The following NCBP1 variants were observed in gnomAD, a reference collection of about 807,000 sequenced individuals.
NCBP1 encodes the protein nuclear cap binding protein subunit 1.
In NCBP1, 16 loss-of-function variants were observed where a neutral mutation model predicts 111.7. The ratio of observed to expected loss-of-function variants is 0.14; its 90% CI spans 0.10 to 0.22. The LOEUF (loss-of-function observed/expected upper bound fraction) is 0.22. Ranked by LOEUF, NCBP1 falls within the 10% of genes least tolerant of loss-of-function variation. The pLI is 1.00. For synonymous variants in NCBP1, 304 were observed against 314.3 expected (o/e 0.97, Z 0.35); for missense variants, 607 against 957.5 (o/e 0.63, Z 4.83).
At chr9:97,636,643 T>C (rs1394038745) in intron 1 of NCBP1, among the ~76,000 whole-genome samples, 3 of 60,180 alleles carry the variant, frequency 5.0e-5, no homozygotes, top group East Asian at 2.7e-4. Context: ...AATACATATA[T>C]ATATATATAT....
rs1258688982 is a variant in NCBP1 at position 97,671,499 on chromosome 9, T to C, written c.*300T>C. 2 of 277,762 alleles carry C rather than the reference T, an allele frequency of 7.2e-6. No individual in the cohort carries two copies. Among genetic ancestry groups the C allele is most frequent in the East Asian group, 8.9e-5 (1 of 11,188 alleles). 17.2% of individuals were successfully genotyped at this position (277,762 alleles called of 1,614,324 possible). On this transcript the variant is annotated 3_prime_UTR_variant, in exon 23 of 23. Transcript: ENST00000375147. ...GGCACAAAATAATTGGTTTGAGGTATGTGAAACACTAGAGGTCAACCTTAC... is the reference window on the plus strand; with the variant it reads ...GGCACAAAATAATTGGTTTGAGGTACGTGAAACACTAGAGGTCAACCTTAC...
At chr9:97,666,337 AG>A (rs924569434) in intron 19 of NCBP1, among the ~76,000 whole-genome samples, 1 of 152,226 alleles carries the variant, frequency 6.6e-6, no homozygotes, top group Non-Finnish European at 1.5e-5. Flanking sequence ...AGTGTGTGCT[AG>A]TTAAATAATA....
chr9:97,667,945 CGT>C (rs772756922), intron 20 of NCBP1, among the ~76,000 whole-genome samples: 9 of 152,136 alleles, frequency 5.9e-5, no homozygotes, highest in Non-Finnish European at 1.2e-4. Context: ...CGTGTACCCA[CGT>C]GTCTAGAACA....
At chr9:97,641,285 C>T (rs1392368382) in intron 2 of NCBP1, among the ~76,000 whole-genome samples, 2 of 152,012 alleles carry the variant, frequency 1.3e-5, no homozygotes, top group African/African-American at 4.8e-5. Context: ...TTAAATTTCA[C>T]TCGTCCACTT....
At chr9:97,642,381 AT>A (rs549351677) in intron 3 of NCBP1, among the ~76,000 whole-genome samples, 12 of 151,762 alleles carry the variant, frequency 7.9e-5, no homozygotes, top group Admixed American at 6.6e-4. Context: ...CAACACAGGT[AT>A]TTTTTTTGAA....
At position 97,671,166 on chromosome 9, in the gene NCBP1, C is replaced by T; in HGVS notation, c.2340C>T (p.Ala780=). The T allele has an allele frequency of 5.0e-6, 8 of 1,613,212 alleles. No homozygotes were observed. Among genetic ancestry groups the T allele is most frequent in the East Asian group, 2.2e-5 (1 of 44,878 alleles). Residue 780 remains alanine (A), a synonymous_variant, in exon 23 of 23, where the codon GCC becomes GCT. Coordinates refer to ENST00000375147, the MANE Select transcript of NCBP1 (RefSeq NM_002486.5). ...FTAELDPHIL[A]VFQQFCALQA Reference sequence around the variant, plus strand: ...CTGAATTAGACCCTCATATCTTGGCCGTGTTCCAGCAGTTCTGTGCCCTGC... The same window carrying T: ...CTGAATTAGACCCTCATATCTTGGCTGTGTTCCAGCAGTTCTGTGCCCTGC...
In NCBP1 at chr9:97,671,681, T is replaced by C. The variant is rs1828198519; in HGVS notation, c.*482T>C. ...TCTCACTCTACTCTAAAACTGGTGG[T>C]TTCTTACTGAAGGTGTTCTCCATTT... On this transcript the variant is annotated 3_prime_UTR_variant, in exon 23 of 23. Coordinates refer to ENST00000375147, the MANE Select transcript of NCBP1 (RefSeq NM_002486.5). 1 of 152,364 alleles carries C rather than the reference T, an allele frequency of 6.6e-6. No individual in the cohort carries two copies. Among genetic ancestry groups the C allele is most frequent in the Admixed American group, 6.5e-5 (1 of 15,294 alleles). The allele number at this position is 152,364 out of a possible 1,614,324, so 9.4% of individuals were successfully genotyped here.
intron 1 of NCBP1, among the ~76,000 whole-genome samples, chr9:97,639,071 G>A (rs568681162): frequency 5.3e-5 from 8 of 152,252 alleles, no homozygotes; most frequent in African/African-American, 1.9e-4. Flanking sequence ...AAGAATCAAG[G>A]TCCCTGAACC....
intron 20 of NCBP1, among the ~76,000 whole-genome samples, chr9:97,667,157 G>T: frequency 6.6e-6 from 1 of 152,140 alleles, no homozygotes; most frequent in Non-Finnish European, 1.5e-5. Flanking sequence ...TTTGCACAAG[G>T]GAAGTAGCAG....
chr9:97,636,835 T>TA (rs1827056192), intron 1 of NCBP1, among the ~76,000 whole-genome samples: 4 of 151,996 alleles, frequency 2.6e-5, no homozygotes, highest in Admixed American at 1.3e-4. Context: ...TATGGAGTGA[T>TA]ACCAGGTAAA....
intron 19 of NCBP1, among the ~76,000 whole-genome samples, chr9:97,665,183 T>G (rs977669356): frequency 1.3e-5 from 2 of 152,222 alleles, no homozygotes; most frequent in African/African-American, 4.8e-5. Context: ...TACTGAATTG[T>G]TAGGGTGATA....
At chr9:97,669,747 G>T in intron 22 of NCBP1, 41 bp downstream of exon 22, 1 of 1,350,220 alleles carries the variant, frequency 7.4e-7, no homozygotes, top group Non-Finnish European at 1.1e-6. Flanking sequence ...ACTATTCTCA[G>T]CCACAAAGAT....
intron 19 of NCBP1, among the ~76,000 whole-genome samples, chr9:97,665,518 T>C (rs1365566074): frequency 6.6e-6 from 1 of 152,198 alleles, no homozygotes; most frequent in East Asian, 1.9e-4. Context: ...ATCTGTTCTT[T>C]AACACCTAGC....
intron 1 of NCBP1, among the ~76,000 whole-genome samples, chr9:97,635,596 A>C (rs1001877546): frequency 6.6e-5 from 10 of 150,600 alleles, no homozygotes; most frequent in African/African-American, 2.4e-4. Flanking sequence ...TTGTTTTTGT[A>C]TTTTTTGTAG....
chr9:97,654,957 C>T lies in NCBP1; in HGVS notation c.1235+13C>T, dbSNP rs1056823550. On this transcript the variant is annotated intron_variant, in intron 12 of 22. Coordinates refer to ENST00000375147, the MANE Select transcript of NCBP1 (RefSeq NM_002486.5). ...CCTGTGTAGACAGGTACAGTAATCG[C>T]TTTACTGCTGAGCTGAGTTAGCAGC... is the stretch of plus-strand genomic sequence containing the variant. 8 of 1,563,994 alleles carry T rather than the reference C, an allele frequency of 5.1e-6. No individual in the cohort carries two copies. The African/African-American group carries it at 8.3e-5, about 16-fold the overall frequency.
intron 6 of NCBP1, 50 bp from the exon 7 acceptor site, chr9:97,647,442 C>A: frequency 1.4e-6 from 2 of 1,384,150 alleles, no homozygotes; most frequent in Non-Finnish European, 2.0e-6. Context: ...GGTGACTGAG[C>A]ATCTCTTGTT....
In NCBP1 at chr9:97,633,853, C is replaced by G. The variant is rs768379075; in HGVS notation, c.-29C>G. On this transcript the variant is annotated 5_prime_UTR_variant, in exon 1 of 23. Transcript: ENST00000375147. ...TCCTGCAGCGCTTACCGCCTGGCCTCTCGGTTCCGCGGCGCACCGGAGGGC... is the reference window on the plus strand; with the variant it reads ...TCCTGCAGCGCTTACCGCCTGGCCTGTCGGTTCCGCGGCGCACCGGAGGGC... The G allele has an allele frequency of 1.9e-6, 3 of 1,575,108 alleles. No homozygotes were observed. Among genetic ancestry groups the G allele is most frequent in the Non-Finnish European group, 1.7e-6 (2 of 1,167,488 alleles).
intron 19 of NCBP1, 53 bp downstream of exon 19, chr9:97,664,496 T>C (rs1395613752): frequency 2.5e-6 from 3 of 1,208,570 alleles, no homozygotes; most frequent in South Asian, 1.3e-5. Context: ...GATATATGTG[T>C]GGTCTCTTAT....
At chr9:97,663,086 G>T (rs777757200) in intron 18 of NCBP1, 39 bp downstream of exon 18, 3 of 1,452,776 alleles carry the variant, frequency 2.1e-6, no homozygotes, top group African/African-American at 1.4e-5. Context: ...AGCTCTGATT[G>T]TATGGGTATA....
Sources: allele counts gnomAD v4.1 joint callset (sites outside exome capture counted in the v4.1 genomes callset), GRCh38; gene constraint gnomAD v4.1.1; transcripts MANE v1.5; gene names NCBI Gene and HGNC (gene_info 2026-07-23, HGNC 2026-07-21).